FCN1: variants seen among roughly 807,000 people sequenced by gnomAD.
FCN1 encodes the protein ficolin-1.
Under a neutral mutation model 35.6 loss-of-function variants are expected in FCN1, and 42 were observed. The observed-to-expected ratio is 1.18, with a 90% CI of 0.92 to 1.53. The LOEUF is 1.53. Ranked by LOEUF, FCN1 falls within the 40% of genes most tolerant of loss-of-function variation. FCN1 has a pLI of 0.00. For synonymous variants in FCN1, 179 were observed against 169.8 expected, an observed-to-expected ratio of 1.05 and a Z score of -0.42; for missense variants, 439 against 428.4, an observed-to-expected ratio of 1.02 and a Z score of -0.22.
intron 8 of FCN1, 86 bp from the exon 9 acceptor site, chr9:134,910,131 G>T: frequency 7.9e-7 from 1 of 1,266,380 alleles, no homozygotes; most frequent in Non-Finnish European, 1.1e-6. Context: ...TCTGAGCAGA[G>T]CCAACCTCAC....
intron 1 of FCN1, among the ~76,000 whole-genome samples, chr9:134,917,202 A>G (rs1488342729): frequency 6.6e-6 from 1 of 151,980 alleles, no homozygotes; most frequent in Non-Finnish European, 1.5e-5. Flanking sequence ...TTTACTATTT[A>G]TGTTTCCTTC....
chr9:134,916,368 G>A lies in FCN1; in HGVS notation c.197C>T (p.Ala66Val). 6 of 1,614,002 alleles carry A rather than the reference G, an allele frequency of 3.7e-6. No homozygotes were observed. The highest frequency in any genetic ancestry group is 5.1e-6 in the Non-Finnish European group (6 of 1,179,902). The change falls in exon 2 of 9, where the codon GCA (alanine) becomes GTA (valine). Residue 66 changes from alanine (A) to valine (V), a missense_variant. Coordinates refer to ENST00000371806, the MANE Select transcript of FCN1 (RefSeq NM_002003.5). ...CCTACCTCTCTCTCCAATGACACCT[G>A]CCTCTCCCTTTGGCCCTGGGGCCCC... ...LPGAPGPKGEAGVIGERGERG... is the reference protein window; with the variant it reads ...LPGAPGPKGEVGVIGERGERG...
At chr9:134,912,285 A>T (rs1022486729) in intron 7 of FCN1, among the ~76,000 whole-genome samples, 1 of 152,196 alleles carries the variant, frequency 6.6e-6, no homozygotes, top group Admixed American at 6.5e-5. Context: ...CCTTCAGCCC[A>T]GGGCTCTAAC....
rs1432387579 is a variant in FCN1, at chr9:134,905,822, T to TTCCTCTTCC, written c.*3975_*3976insGGAAGAGGA. ...CTTCTTCTTCTTCCTCTTCTTCTTC[T>TTCCTCTTCC]TCTTCCTCTTCCTCTTCCTCTTCCT... On this transcript the variant is annotated 3_prime_UTR_variant, in exon 9 of 9. Transcript: ENST00000371806. 2.8e-3 allele frequency: 106 copies of TTCCTCTTCC among 38,012 alleles called. 18 individuals carry two copies. Among genetic ancestry groups the TTCCTCTTCC allele is most frequent in the Admixed American group, 3.9e-3 (16 of 4,126 alleles). 2.4% of individuals were successfully genotyped at this position (38,012 alleles called of 1,614,324 possible).
chr9:134,905,711 C>T lies in FCN1; in HGVS notation c.*4087G>A, dbSNP rs1830935902. 2.0e-5 allele frequency among the ~76,000 whole-genome samples: 3 copies of T among 151,740 alleles called. No individual in the cohort carries two copies. The highest frequency in any genetic ancestry group is 6.5e-5 in the Admixed American group (1 of 15,268). ...ATGTTAGCCAGGATGGTCTTGATCT[C>T]CTGACCTTGTGATCCGCCCGCCTCG... On this transcript the variant is annotated 3_prime_UTR_variant, in exon 9 of 9. Coordinates refer to ENST00000371806, the MANE Select transcript of FCN1 (RefSeq NM_002003.5).
At chr9:134,915,115 A>G (rs1231185250) in intron 2 of FCN1, among the ~76,000 whole-genome samples, 1 of 152,058 alleles carries the variant, frequency 6.6e-6, no homozygotes, top group Non-Finnish European at 1.5e-5. Context: ...GACCCAAGTC[A>G]CCCACACAGA....
rs1319718003 is a variant in FCN1 at position 134,903,589 on chromosome 9, A to G, written c.*6209T>C. Among the ~76,000 whole-genome samples the G allele has an allele frequency of 6.6e-6, 1 of 152,196 alleles. No individual in the cohort carries two copies. Among genetic ancestry groups the G allele is most frequent in the Non-Finnish European group, 1.5e-5 (1 of 68,018 alleles). On this transcript the variant is annotated 3_prime_UTR_variant, in exon 9 of 9. Transcript: ENST00000371806. ...TAGGTGAATTTTACTGTATTAAATT[A>G]TACCTCAAAAAATCTGACTTAAAAA... is the stretch of plus-strand genomic sequence containing the variant.
chr9:134,910,121 T>C, intron 8 of FCN1, 76 bp from the exon 9 acceptor site: 2 of 1,358,354 alleles, frequency 1.5e-6, no homozygotes, highest in South Asian at 2.4e-5. Context: ...ACATCCTGCC[T>C]CTGAGCAGAG....
rs1185272641 is a variant in FCN1 at position 134,909,082 on chromosome 9, T to G, written c.*716A>C. On this transcript the variant is annotated 3_prime_UTR_variant, in exon 9 of 9. Coordinates refer to ENST00000371806, the MANE Select transcript of FCN1 (RefSeq NM_002003.5). ...AGAAGCCTTGTGCAGCTTTTCCCAC[T>G]GAGGTCCGCGGTCCCCTCTAGCTGA... The G allele has an allele frequency of 1.7e-6, 1 of 595,378 alleles. No homozygotes were observed. Among genetic ancestry groups the G allele is most frequent in the Non-Finnish European group, 2.5e-6 (1 of 397,152 alleles). The allele number at this position is 595,378 out of a possible 1,614,324, so 36.9% of individuals were successfully genotyped here. A position where few individuals can be genotyped will look rare whatever the true frequency, so the allele number is the denominator to read the frequency against.
Position 134,904,362 on chromosome 9 carries a change from A to G in FCN1, c.*5436T>C, listed in dbSNP as rs578105070. ...CTGGACATCTGTATTTACAGTGCTA[A>G]AAGAAACTAATTGGCAATATAGAAG... On this transcript the variant is annotated 3_prime_UTR_variant, in exon 9 of 9. Transcript: ENST00000371806. Among the ~76,000 whole-genome samples the G allele has an allele frequency of 6.6e-6, 1 of 152,310 alleles. No individual in the cohort carries two copies. The highest frequency in any genetic ancestry group is 1.9e-4 in the East Asian group (1 of 5,194).
intron 8 of FCN1, 62 bp downstream of exon 8, chr9:134,911,071 G>A: frequency 6.3e-7 from 1 of 1,584,304 alleles, no homozygotes. Context: ...AGGGGAGACA[G>A]AGCCAGGTTC....
At chr9:134,913,911 G>A (rs1467220257) in intron 4 of FCN1, among the ~76,000 whole-genome samples, 1 of 152,192 alleles carries the variant, frequency 6.6e-6, no homozygotes, top group Non-Finnish European at 1.5e-5. Flanking sequence ...ACTGATAACA[G>A]CGGAATAACT....
Position 134,905,584 on chromosome 9 carries a change from C to T in FCN1, c.*4214G>A, listed in dbSNP as rs1031052677. 2.6e-5 allele frequency among the ~76,000 whole-genome samples: 4 copies of T among 151,240 alleles called. No individual in the cohort carries two copies. Among genetic ancestry groups the T allele is most frequent in the African/African-American group, 9.8e-5 (4 of 40,968 alleles). On this transcript the variant is annotated 3_prime_UTR_variant, in exon 9 of 9. Transcript: ENST00000371806. ...CTTCAACCTCTGCCTCCTGGGTTCA[C>T]GCCATTCTCCTGCCTCAGCTTCTCG...
chr9:134,915,809 GCAGGTGCCTGC>G (rs1831085409), intron 2 of FCN1, among the ~76,000 whole-genome samples: 1 of 152,176 alleles, frequency 6.6e-6, no homozygotes, highest in Admixed American at 6.5e-5. Flanking sequence ...ACCACCCAAG[GCAGGTGCCTGC>G]TGTTCATTCT....
At chr9:134,910,151 G>A (rs1399125362) in intron 8 of FCN1, 106 bp from the exon 9 acceptor site, 11 of 1,073,836 alleles carry the variant, frequency 1.0e-5, no homozygotes, top group Middle Eastern at 2.1e-4. Context: ...CTTTAGCGAC[G>A]CATGAGCCGA....
chr9:134,915,542 G>C (rs570450707), intron 2 of FCN1, among the ~76,000 whole-genome samples: 1 of 152,138 alleles, frequency 6.6e-6, no homozygotes, highest in African/African-American at 2.4e-5. Context: ...GATCGGGACC[G>C]CACTCTCAGG....
At position 134,909,036 on chromosome 9, in the gene FCN1, G is replaced by A. The variant is rs924437373; in HGVS notation, c.*762C>T. The stretch of plus-strand genomic sequence containing the variant: ...CTCCCCTGGCCTGGGAGCTGGAGAA[G>A]CCCCTTCTCCATCATCTCCTAGAAG... On this transcript the variant is annotated 3_prime_UTR_variant, in exon 9 of 9. Transcript: ENST00000371806. 2.6e-6 allele frequency: 1 copy of A among 380,806 alleles called. No homozygotes were observed. The highest frequency in any genetic ancestry group is 2.1e-5 in the South Asian group (1 of 47,038). The allele number at this position is 380,806 out of a possible 1,614,324, so 23.6% of individuals were successfully genotyped here.
chr9:134,917,782 C>T lies in FCN1; in HGVS notation c.90G>A (p.Ala30=), dbSNP rs756412026. Residue 30 remains alanine (A), a synonymous_variant, in exon 1 of 9, where the codon GCG becomes GCA. Coordinates refer to ENST00000371806, the MANE Select transcript of FCN1 (RefSeq NM_002003.5). ...GGTCTGTCTCACCTGGACATGTGTC[C>T]GCAGCCTGGGCAGGCAGGTTCTTGA... ...LHIKNLPAQA[A]DTCPEVKVVG... 4.0e-5 allele frequency: 65 copies of T among 1,612,868 alleles called. No individual in the cohort carries two copies. The highest frequency in any genetic ancestry group is 1.6e-4 in the Middle Eastern group (1 of 6,076).
At position 134,909,867 on chromosome 9, in the gene FCN1, G is replaced by T. The variant is rs1263207733; in HGVS notation, c.912C>A (p.Ile304=). 1.2e-6 allele frequency: 2 copies of T among 1,614,014 alleles called. No homozygotes were observed. Among genetic ancestry groups the T allele is most frequent in the African/African-American group, 2.7e-5 (2 of 74,898 alleles). ...TGTACCCCTTCGCCGCACTCCAGTT[G>T]ATACCATTGGCATAGCTCTCATGGG... ...MGPHESYANG[I]NWSAAKGYKY... Residue 304 remains isoleucine (I), a synonymous_variant, in exon 9 of 9, where the codon ATC becomes ATA. Coordinates refer to ENST00000371806, the MANE Select transcript of FCN1 (RefSeq NM_002003.5).
Sources: allele counts gnomAD v4.1 joint callset (sites outside exome capture counted in the v4.1 genomes callset), GRCh38; gene constraint gnomAD v4.1.1; transcripts MANE v1.5; gene names NCBI Gene and HGNC (gene_info 2026-07-23, HGNC 2026-07-21).